Variants in CDH18 observed in about 807,000 individuals in gnomAD.
CDH18 encodes the protein cadherin-18.
In CDH18, 31 loss-of-function variants were observed where a neutral mutation model predicts 67.9. The observed-to-expected ratio is 0.46, with a 90% confidence interval of 0.34 to 0.62. CDH18 has a LOEUF of 0.62. Among genes scored for constraint, CDH18 ranks in the 20% least tolerant of loss-of-function variants. The pLI is 0.01. For missense variants in CDH18, 890 were observed against 975.5 expected, an observed-to-expected ratio of 0.91 and a Z score of 1.17; for synonymous variants, 362 against 347.2, an observed-to-expected ratio of 1.04 and a Z score of -0.48.
At chr5:20,175,756 T>C (rs547057896) in intron 2 of CDH18, among the ~76,000 whole-genome samples, 1 of 152,194 alleles carries the variant, frequency 6.6e-6, no homozygotes, top group South Asian at 2.1e-4. Flanking sequence ...AGTCTAGTCT[T>C]CACATTTTTC....
Position 19,479,114 on chromosome 5 carries a change from G to T in CDH18, c.1882+4187C>A, listed in dbSNP as rs1738973458. Among the ~76,000 whole-genome samples the T allele has an allele frequency of 3.3e-5, 5 of 152,014 alleles. No individual in the cohort carries two copies. In the South Asian group the frequency reaches 1.0e-3, roughly 32 times the overall value. Reference sequence around the variant, plus strand: ...CAAAATTCTACAGAATGACTCTAAGGTCCTTTCAACTGAAATGTCATTCTC... The same window carrying T: ...CAAAATTCTACAGAATGACTCTAAGTTCCTTTCAACTGAAATGTCATTCTC... On this transcript the variant is annotated intron_variant, in intron 12 of 12. Coordinates refer to ENST00000382275, the MANE Select transcript of CDH18 (RefSeq NM_004934.5).
intron 1 of CDH18, among the ~76,000 whole-genome samples, chr5:20,354,766 G>A (rs772230517): frequency 6.6e-6 from 1 of 152,132 alleles, no homozygotes; most frequent in Non-Finnish European, 1.5e-5. Context: ...ATTTTGTATA[G>A]AAGAGATTTA....
At chr5:20,441,890 C>A (rs545887085) in intron 1 of CDH18, among the ~76,000 whole-genome samples, 1 of 151,690 alleles carries the variant, frequency 6.6e-6, no homozygotes, top group South Asian at 2.1e-4. Flanking sequence ...GTGCATAACA[C>A]CAATAAAATG....
chr5:19,960,664 C>T (rs1457254406), intron 2 of CDH18, among the ~76,000 whole-genome samples: 2 of 120,258 alleles, frequency 1.7e-5, no homozygotes, highest in African/African-American at 4.2e-5. Context: ...TATATATATA[C>T]ACATGTATAT....
chr5:19,762,071 C>T (rs564154294), intron 3 of CDH18, among the ~76,000 whole-genome samples: 15 of 152,250 alleles, frequency 9.9e-5, no homozygotes, highest in African/African-American at 3.4e-4. Context: ...CCCTTCCTTG[C>T]ACCTTACACA....
At chr5:19,724,442 G>A (rs565460425) in intron 4 of CDH18, among the ~76,000 whole-genome samples, 1 of 151,868 alleles carries the variant, frequency 6.6e-6, no homozygotes, top group Admixed American at 6.6e-5. Context: ...TTTTGATTAT[G>A]GTAATTGATG....
intron 9 of CDH18, among the ~76,000 whole-genome samples, chr5:19,525,875 T>C (rs925781031): frequency 5.9e-5 from 9 of 152,322 alleles, no homozygotes; most frequent in East Asian, 1.9e-4. Context: ...AAGGCTAAAA[T>C]TGGATAATTC....
At chr5:19,976,941 TA>T (rs1798562686) in intron 2 of CDH18, among the ~76,000 whole-genome samples, 1 of 152,142 alleles carries the variant, frequency 6.6e-6, no homozygotes, top group African/African-American at 2.4e-5. Flanking sequence ...ACTTGATTTT[TA>T]AAAAGCTGAA....
At chr5:20,199,868 C>G (rs930511690) in intron 2 of CDH18, among the ~76,000 whole-genome samples, 4 of 152,130 alleles carry the variant, frequency 2.6e-5, no homozygotes, top group African/African-American at 9.7e-5. Context: ...TGGCATTTCC[C>G]CTGCTGGCAT....
chr5:19,562,338 A>G (rs1739598278), intron 8 of CDH18, among the ~76,000 whole-genome samples: 1 of 152,106 alleles, frequency 6.6e-6, no homozygotes, highest in Non-Finnish European at 1.5e-5. Context: ...CCTTATCATT[A>G]TTTTAAAATC....
At chr5:20,260,539 G>A (rs1386247064) in intron 1 of CDH18, among the ~76,000 whole-genome samples, 1 of 152,124 alleles carries the variant, frequency 6.6e-6, no homozygotes. Flanking sequence ...CTGAAAGGGG[G>A]TGGACATATT....
intron 2 of CDH18, among the ~76,000 whole-genome samples, chr5:20,083,311 G>C (rs1310137137): frequency 6.6e-6 from 1 of 152,228 alleles, no homozygotes; most frequent in Non-Finnish European, 1.5e-5. Context: ...TATAGGTCAT[G>C]AAGACAGGCA....
At chr5:20,303,548 A>G (rs1407848986) in intron 1 of CDH18, among the ~76,000 whole-genome samples, 2 of 152,180 alleles carry the variant, frequency 1.3e-5, no homozygotes, top group Non-Finnish European at 2.9e-5. Context: ...GCAGAGGACA[A>G]ATGCCTGTCA....
chr5:20,304,700 C>T, intron 1 of CDH18: 1 of 1,611,574 alleles, frequency 6.2e-7, no homozygotes, highest in Admixed American at 1.7e-5. Flanking sequence ...GTCAGCTCCA[C>T]CTTCTTGTCA....
chr5:20,224,330 T>C (rs945570811), intron 2 of CDH18, among the ~76,000 whole-genome samples: 4 of 152,134 alleles, frequency 2.6e-5, no homozygotes, highest in Non-Finnish European at 5.9e-5. Context: ...GAGCAGCTCA[T>C]ATGAATCTTA....
chr5:20,137,847 A>G lies in CDH18; in HGVS notation c.-518+117597T>C, dbSNP rs551117221. Reference sequence around the variant, plus strand: ...CAGCCTACCAACCAAAAAAAAGTCCAGGATCATATGGATTCACAGCCGAAT... The same window carrying G: ...CAGCCTACCAACCAAAAAAAAGTCCGGGATCATATGGATTCACAGCCGAAT... On this transcript the variant is annotated intron_variant, in intron 2 of 14. Transcript: ENST00000507958. Among the ~76,000 whole-genome samples, 3 of 152,202 alleles carry G rather than the reference A, an allele frequency of 2.0e-5. No individual in the cohort carries two copies. In the South Asian group the frequency reaches 6.2e-4, roughly 32 times the overall value.
chr5:20,405,658 G>A (rs887475387), intron 1 of CDH18, among the ~76,000 whole-genome samples: 3 of 151,896 alleles, frequency 2.0e-5, no homozygotes, highest in Non-Finnish European at 4.4e-5. Flanking sequence ...GCAACCTACA[G>A]AATGGGAGAA....
chr5:20,112,034 A>G (rs1404494882), intron 2 of CDH18, among the ~76,000 whole-genome samples: 1 of 152,200 alleles, frequency 6.6e-6, no homozygotes, highest in African/African-American at 2.4e-5. Flanking sequence ...AAATATGCTT[A>G]GGTCAAAATT....
At chr5:20,108,284 G>T (rs1479900041) in intron 2 of CDH18, among the ~76,000 whole-genome samples, 1 of 151,712 alleles carries the variant, frequency 6.6e-6, no homozygotes, top group Non-Finnish European at 1.5e-5. Context: ...TAGAGACAAG[G>T]TTTCACCATG....
Sources: allele counts gnomAD v4.1 joint callset (sites outside exome capture counted in the v4.1 genomes callset), GRCh38; gene constraint gnomAD v4.1.1; transcripts MANE v1.5; gene names NCBI Gene and HGNC (gene_info 2026-07-23, HGNC 2026-07-21).